Variants in ZNF385B observed in about 807,000 individuals in gnomAD.
The protein encoded by ZNF385B is zinc finger protein 385B, also known as zinc finger protein 533.
A neutral mutation model predicts 39.2 loss-of-function variants in ZNF385B; 23 were observed. That is an observed-to-expected ratio of 0.59 (90% CI 0.42 to 0.83). ZNF385B has a LOEUF of 0.83. Among genes scored for constraint, ZNF385B ranks in the 40% least tolerant of loss-of-function variants. The pLI, the probability that ZNF385B is intolerant of heterozygous loss-of-function variation, is 0.00. For synonymous variants in ZNF385B, 205 were observed against 222.6 expected, an observed-to-expected ratio of 0.92 and a Z score of 0.70; for missense variants, 552 against 598.9, an observed-to-expected ratio of 0.92 and a Z score of 0.82.
chr2:179,753,085 T>C (rs2106472534), intron 3 of ZNF385B, among the ~76,000 whole-genome samples: 1 of 152,344 alleles, frequency 6.6e-6, no homozygotes, highest in African/African-American at 2.4e-5. Flanking sequence ...TTTAAGTCTT[T>C]AATCTATCTT....
intron 3 of ZNF385B, among the ~76,000 whole-genome samples, chr2:179,556,362 A>G (rs2060905042): frequency 6.7e-6 from 1 of 149,614 alleles, no homozygotes; most frequent in African/African-American, 2.5e-5. Flanking sequence ...AATTTAAAAT[A>G]TTTTTCCTTT....
chr2:179,641,625 T>C (rs1413565188), intron 3 of ZNF385B, among the ~76,000 whole-genome samples: 1 of 152,146 alleles, frequency 6.6e-6, no homozygotes, highest in Non-Finnish European at 1.5e-5. Flanking sequence ...TACAACAAAA[T>C]TGAACCTCTA....
At chr2:179,479,655 G>A (rs1574353572) in intron 6 of ZNF385B, among the ~76,000 whole-genome samples, 8 of 151,890 alleles carry the variant, frequency 5.3e-5, no homozygotes, top group Admixed American at 5.3e-4. Flanking sequence ...GCCTGGCCAA[G>A]ATGGTGAAAC....
At chr2:179,703,922 A>G (rs909814345) in intron 3 of ZNF385B, among the ~76,000 whole-genome samples, 1 of 152,208 alleles carries the variant, frequency 6.6e-6, no homozygotes, top group Admixed American at 6.5e-5. Flanking sequence ...AGGTGTATTG[A>G]GAAATCAGGC....
At chr2:179,514,935 C>A (rs574983965) in intron 5 of ZNF385B, among the ~76,000 whole-genome samples, 52 of 152,134 alleles carry the variant, frequency 3.4e-4, no homozygotes, top group Middle Eastern at 3.4e-3. Flanking sequence ...TGCACAATCA[C>A]GCCTGGCTAA....
intron 4 of ZNF385B, among the ~76,000 whole-genome samples, chr2:179,523,825 T>C (rs2058679462): frequency 6.6e-6 from 1 of 152,160 alleles, no homozygotes; most frequent in Non-Finnish European, 1.5e-5. Flanking sequence ...CAGAGACTTA[T>C]TGTGTTGCTC....
At position 179,516,948 on chromosome 2, in the gene ZNF385B, T is replaced by A. The variant is rs188360152; in HGVS notation, c.552+1580A>T. The stretch of plus-strand genomic sequence containing the variant: ...TATCAGGTAGTAGTCAAGGCGTTTT[T>A]TGAATTTACATATGAATACGTACTT... On this transcript the variant is annotated intron_variant, in intron 5 of 9. Coordinates refer to ENST00000410066, the MANE Select transcript of ZNF385B (RefSeq NM_152520.6). Among the ~76,000 whole-genome samples, 185 of 152,060 alleles carry A rather than the reference T, an allele frequency of 1.2e-3. 1 individual carries two copies. Among genetic ancestry groups the A allele is most frequent in the African/African-American group, 4.0e-3 (167 of 41,574 alleles).
At chr2:179,778,986 G>A (rs546376153) in intron 1 of ZNF385B, among the ~76,000 whole-genome samples, 1 of 152,182 alleles carries the variant, frequency 6.6e-6, no homozygotes, top group Admixed American at 6.5e-5. Flanking sequence ...CAGAGTTCTG[G>A]TTAAACAACA....
At chr2:179,825,572 C>T (rs1707634620) in intron 1 of ZNF385B, among the ~76,000 whole-genome samples, 1 of 152,106 alleles carries the variant, frequency 6.6e-6, no homozygotes, top group African/African-American at 2.4e-5. Context: ...CATCTCATTT[C>T]CTCTTTCCCA....
chr2:179,668,765 T>C (rs1169639410), intron 3 of ZNF385B, among the ~76,000 whole-genome samples: 1 of 152,184 alleles, frequency 6.6e-6, no homozygotes, highest in African/African-American at 2.4e-5. Context: ...AACATCATTT[T>C]TAGCCAAATC....
intron 3 of ZNF385B, among the ~76,000 whole-genome samples, chr2:179,554,725 T>C (rs1282441943): frequency 6.7e-6 from 1 of 148,964 alleles, no homozygotes; most frequent in Non-Finnish European, 1.5e-5. Context: ...TATATTAAAA[T>C]GGCCAATAAA....
chr2:179,524,712 A>T (rs2105832719), intron 4 of ZNF385B, among the ~76,000 whole-genome samples: 1 of 152,172 alleles, frequency 6.6e-6, no homozygotes, highest in South Asian at 2.1e-4. Context: ...TTAAAAAGTG[A>T]AAAAGGTAGT....
At chr2:179,752,223 T>C (rs1461036783) in intron 3 of ZNF385B, among the ~76,000 whole-genome samples, 1 of 152,144 alleles carries the variant, frequency 6.6e-6, no homozygotes, top group Non-Finnish European at 1.5e-5. Context: ...CTGAGAATGA[T>C]GGTTTCCAGC....
intron 3 of ZNF385B, among the ~76,000 whole-genome samples, chr2:179,621,937 C>A (rs1320525448): frequency 6.6e-6 from 1 of 152,136 alleles, no homozygotes; most frequent in East Asian, 1.9e-4. Context: ...AGTTTAGCAT[C>A]TCTGAATCTT....
intron 3 of ZNF385B, among the ~76,000 whole-genome samples, chr2:179,574,254 C>T (rs1685555428): frequency 2.0e-5 from 3 of 152,116 alleles, no homozygotes; most frequent in African/African-American, 7.2e-5. Context: ...CTGTACCTTT[C>T]TGTGGTTAAA....
rs570536407 is a variant in ZNF385B at position 179,542,857 on chromosome 2, G to C, written c.441+1970C>G. 6.5e-4 allele frequency among the ~76,000 whole-genome samples: 99 copies of C among 152,312 alleles called. 6 individuals are homozygous for C. In the South Asian group the frequency reaches 0.02, roughly 31 times the overall value. On this transcript the variant is annotated intron_variant, in intron 4 of 9. Coordinates refer to ENST00000410066, the MANE Select transcript of ZNF385B (RefSeq NM_152520.6). ...ACCAGTTGCTGACCACCTTCCGCTAGTGAAGGAAGTAAAAGTATGTGCAGG... is the reference window on the plus strand; with the variant it reads ...ACCAGTTGCTGACCACCTTCCGCTACTGAAGGAAGTAAAAGTATGTGCAGG...
At chr2:179,849,431 A>G (rs11896408) in intron 1 of ZNF385B, among the ~76,000 whole-genome samples, 3,595 of 152,308 alleles carry the variant, frequency 0.024, 134 homozygotes, top group African/African-American at 0.082. Flanking sequence ...AAGGCAACAC[A>G]TCTATTTGGG....
intron 3 of ZNF385B, among the ~76,000 whole-genome samples, chr2:179,571,258 A>C (rs1685182090): frequency 2.0e-5 from 3 of 152,210 alleles, no homozygotes; most frequent in Admixed American, 2.0e-4. Context: ...CTGAGAGGTT[A>C]TGTGACTTGC....
chr2:179,514,650 A>G (rs531145540), intron 5 of ZNF385B, among the ~76,000 whole-genome samples: 21 of 152,364 alleles, frequency 1.4e-4, no homozygotes, highest in Non-Finnish European at 2.6e-4. Context: ...ATTCATACTT[A>G]GTTATATTTG....
Sources: allele counts gnomAD v4.1 joint callset (sites outside exome capture counted in the v4.1 genomes callset), GRCh38; gene constraint gnomAD v4.1.1; transcripts MANE v1.5; gene names NCBI Gene and HGNC (gene_info 2026-07-23, HGNC 2026-07-21).